FBN3: variants seen among roughly 807,000 people sequenced by gnomAD.
The protein encoded by FBN3 is fibrillin 3.
In FBN3, 234 loss-of-function variants were observed where a neutral mutation model predicts 330.1. The observed-to-expected ratio is 0.71, with a 90% CI of 0.64 to 0.79. FBN3 has a LOEUF of 0.79. Among genes scored for constraint, FBN3 ranks in the 30% least tolerant of loss-of-function variants. The pLI, the probability that FBN3 is intolerant of heterozygous loss-of-function variation, is 0.00. For missense variants in FBN3, 3,606 were observed against 3,886.9 expected (o/e 0.93, Z 1.92); for synonymous variants, 1,458 against 1,517.3 (o/e 0.96, Z 0.91).
intron 59 of FBN3, among the ~76,000 whole-genome samples, chr19:8,080,786 AT>A (rs1337797812): frequency 1.3e-5 from 2 of 151,848 alleles, no homozygotes; most frequent in Non-Finnish European, 2.9e-5. Flanking sequence ...TGCCAGGCTA[AT>A]TTTTTTGTAT....
Position 8,144,938 on chromosome 19 carries a change from G to A in FBN3, c.480C>T (p.Arg160=). 6.2e-7 allele frequency: 1 copy of A among 1,612,484 alleles called. No homozygotes were observed. Among genetic ancestry groups the A allele is most frequent in the East Asian group, 2.2e-5 (1 of 44,834 alleles). The part of the protein sequence containing the change: ...ICDRGCHNGG[R]CIGPNRCACV... The stretch of plus-strand genomic sequence containing the variant: ...AGGCGCAGCGGTTGGGCCCAATGCA[G>A]CGACCCCCATTGTGGCAGCCGCGGT... The change falls in exon 6 of 64, where the codon CGC becomes CGT. Residue 160 remains arginine (R), a synonymous_variant. Coordinates refer to ENST00000600128, the MANE Select transcript of FBN3 (RefSeq NM_032447.5).
chr19:8,135,528 G>C (rs779972840), intron 13 of FBN3, among the ~76,000 whole-genome samples: 6 of 83,176 alleles, frequency 7.2e-5, no homozygotes, highest in Non-Finnish European at 1.1e-4. Flanking sequence ...CCAAAGTGCT[G>C]GGATTACAGG....
In FBN3 at chr19:8,116,797, C is replaced by T. The variant is rs751056066; in HGVS notation, c.3589G>A (p.Val1197Met). The T allele has an allele frequency of 9.3e-6, 15 of 1,613,568 alleles. No homozygotes were observed. The Admixed American group carries it at 1.0e-4, about 11-fold the overall frequency. The change falls in exon 29 of 64, where the codon GTG becomes ATG. Residue 1197 changes from valine to methionine, a missense_variant and splice_region_variant. By Grantham distance (21) the Val-to-Met change is conservative. Coordinates refer to ENST00000600128, the MANE Select transcript of FBN3 (RefSeq NM_032447.5). Reference sequence around the variant, plus strand: ...CGGGGGTTCTCTTCACACTCGTCCACGTCTGGGGGAGCAGGGTTGGGGACT... The same window carrying T: ...CGGGGGTTCTCTTCACACTCGTCCATGTCTGGGGGAGCAGGGTTGGGGACT... ...LMPDGRACAD[V>M]DECEENPRVC...
chr19:8,080,956 T>G, intron 59 of FBN3, 47 bp downstream of exon 59: 1 of 1,346,910 alleles, frequency 7.4e-7, no homozygotes, highest in Non-Finnish European at 1.1e-6. Flanking sequence ...AAATAACTAA[T>G]GCTGGGGTCA....
chr19:8,106,357 GAT>G, intron 37 of FBN3, 124 bp from the exon 38 acceptor site: 1 of 955,002 alleles, frequency 1.0e-6, no homozygotes, highest in Non-Finnish European at 1.6e-6. Context: ...GTCCATGACT[GAT>G]AGACATTTAA....
intron 6 of FBN3, among the ~76,000 whole-genome samples, chr19:8,144,153 C>T (rs1391242335): frequency 1.3e-5 from 2 of 151,894 alleles, no homozygotes; most frequent in Non-Finnish European, 2.9e-5. Flanking sequence ...TGTGGTGGCT[C>T]ATTTTGGGAG....
Position 8,128,172 on chromosome 19 carries a change from T to C in FBN3, c.2296+856A>G, listed in dbSNP as rs187565492. On this transcript the variant is annotated intron_variant, in intron 18 of 63. Transcript: ENST00000600128. ...ATCCACCTAGAAGCTCTCCAAACTCTGTAGTTCGAGTAGGACTTCTGGGAT... is the reference window on the plus strand; with the variant it reads ...ATCCACCTAGAAGCTCTCCAAACTCCGTAGTTCGAGTAGGACTTCTGGGAT... 1.4e-3 allele frequency among the ~76,000 whole-genome samples: 220 copies of C among 152,304 alleles called. 1 individual carries two copies. The highest frequency in any genetic ancestry group is 2.1e-3 in the Non-Finnish European group (143 of 68,028).
At chr19:8,086,468 A>ATTTTTATTATTATTATTATTATTTTTT (rs2081963765) in intron 54 of FBN3, 143 bp from the exon 55 acceptor site, 1 of 279,108 alleles carries the variant, frequency 3.6e-6, no homozygotes, top group African/African-American at 2.4e-5. Flanking sequence ...TATTATTATT[A>ATTTTTATTATTATTATTATTATTTTTT]TTTTTTGAGA....
chr19:8,102,738 G>A lies in FBN3; in HGVS notation c.5075C>T (p.Pro1692Leu). Residue 1692 changes from proline (P) to leucine (L), a missense_variant, in exon 40 of 64, where the codon CCC (proline) becomes CTC (leucine). Coordinates refer to ENST00000600128, the MANE Select transcript of FBN3 (RefSeq NM_032447.5). ...QAWNRPCEACPTPISPDYQIL... is the reference protein window; with the variant it reads ...QAWNRPCEACLTPISPDYQIL... ...GGGTTACTCACGACTGATGGGAGTG[G>A]GGCAGGCCTCACAGGGTCTATTCCA... The A allele has an allele frequency of 6.2e-7, 1 of 1,613,454 alleles. No homozygotes were observed. The highest frequency in any genetic ancestry group is 1.3e-5 in the African/African-American group (1 of 75,020).
At chr19:8,083,199 A>C (rs1189407250) in intron 57 of FBN3, 48 bp downstream of exon 57, 4 of 1,609,562 alleles carry the variant, frequency 2.5e-6, no homozygotes, top group Non-Finnish European at 3.4e-6. Context: ...GCTGCACAGA[A>C]GGTGGCCAGG....
At chr19:8,135,936 G>GGGGGGGGGGGCCCCCCC in intron 13 of FBN3, 25 bp downstream of exon 13, 5 of 668,724 alleles carry the variant, frequency 7.5e-6, no homozygotes, top group Admixed American at 2.9e-5. Context: ...GGAAGCCCCT[G>GGGGGGGGGGGCCCCCCC]CCCACCCGCC....
In FBN3 at chr19:8,102,572, T is replaced by A. The variant is rs73505655; in HGVS notation, c.5089+152A>T. 5.3e-3 allele frequency: 3,776 copies of A among 707,454 alleles called. 114 individuals carry two copies. In the African/African-American group the frequency reaches 0.061, roughly 11 times the overall value. The allele number at this position is 707,454 out of a possible 1,614,324, so 43.8% of individuals were successfully genotyped here. On this transcript the variant is annotated intron_variant, in intron 40 of 63. Transcript: ENST00000600128. Reference sequence around the variant, plus strand: ...TATCCAGTATTTCTTCACAGCAGTATGAGAATGGACTAATAGAGGGACAAA... The same window carrying A: ...TATCCAGTATTTCTTCACAGCAGTAAGAGAATGGACTAATAGAGGGACAAA...
At chr19:8,092,332 G>A (rs1165980080) in intron 47 of FBN3, among the ~76,000 whole-genome samples, 1 of 151,968 alleles carries the variant, frequency 6.6e-6, no homozygotes, top group Non-Finnish European at 1.5e-5. Flanking sequence ...CAAAAATCTG[G>A]AGCCATCATA....
chr19:8,147,241 C>A lies in FBN3; in HGVS notation c.168-55G>T. 7.7e-6 allele frequency: 12 copies of A among 1,557,800 alleles called. No homozygotes were observed. In the South Asian group the frequency reaches 1.3e-4, roughly 17 times the overall value. On this transcript the variant is annotated intron_variant, in intron 2 of 63. Coordinates refer to ENST00000600128, the MANE Select transcript of FBN3 (RefSeq NM_032447.5). ...GCCCCTGCCCGTGTGGACATCCCCC[C>A]GGGTATTCCGCTGGCCCCAGGACAG...
At chr19:8,083,961 C>T (rs1410331249) in intron 56 of FBN3, among the ~76,000 whole-genome samples, 1 of 151,962 alleles carries the variant, frequency 6.6e-6, no homozygotes, top group Non-Finnish European at 1.5e-5. Context: ...TGCCACCACG[C>T]CCGGCTAATT....
At chr19:8,142,380 C>T (rs1299244314) in intron 6 of FBN3, among the ~76,000 whole-genome samples, 2 of 152,110 alleles carry the variant, frequency 1.3e-5, no homozygotes, top group Admixed American at 6.5e-5. Context: ...ACCTCCAAGC[C>T]AATAAAGCTC....
At chr19:8,081,985 A>ACGGAGTCT (rs1555726745) in intron 57 of FBN3, among the ~76,000 whole-genome samples, 3 of 141,116 alleles carry the variant, frequency 2.1e-5, no homozygotes, top group African/African-American at 7.7e-5. Context: ...CTTTCTTGAG[A>ACGGAGTCT]CGGAGTCTCG....
chr19:8,132,846 C>T, intron 14 of FBN3, 138 bp downstream of exon 14: 1 of 1,025,162 alleles, frequency 9.8e-7, no homozygotes, highest in Non-Finnish European at 1.4e-6. Flanking sequence ...TCCTCCTCCT[C>T]TTTTTCTCCC....
At position 8,085,491 on chromosome 19, in the gene FBN3, G is replaced by A. The variant is rs1467945871; in HGVS notation, c.6959C>T (p.Thr2320Ile). The A allele has an allele frequency of 6.3e-7, 1 of 1,593,112 alleles. No individual in the cohort carries two copies. Among genetic ancestry groups the A allele is most frequent in the Middle Eastern group, 1.7e-4 (1 of 5,856 alleles). The change falls in exon 56 of 64, where the codon ACC (threonine) becomes ATC (isoleucine). Residue 2320 changes from threonine (T) to isoleucine (I), a missense_variant. Thr to Ile is a moderately conservative substitution (Grantham distance 89). Coordinates refer to ENST00000600128, the MANE Select transcript of FBN3 (RefSeq NM_032447.5). Reference protein sequence around the residue: ...RSLSSSSEAVTRAECCCGGGR... With the variant: ...RSLSSSSEAVIRAECCCGGGR... The stretch of plus-strand genomic sequence containing the variant: ...ACCCCCACAGCAGCACTCGGCCCTG[G>A]TGACAGCCTCACTGCTGCTGGACAG...
Sources: gnomAD v4.1 joint callset for allele counts (sites outside exome capture counted in the v4.1 genomes callset) on GRCh38, gnomAD v4.1.1 for gene constraint, MANE v1.5 for transcripts, NCBI Gene and HGNC (gene_info 2026-07-23, HGNC 2026-07-21) for gene names.